CFAP44: variants seen among roughly 807,000 people sequenced by gnomAD.
CFAP44 encodes cilia- and flagella-associated protein 44.
Under a neutral mutation model 216.2 loss-of-function variants are expected in CFAP44, and 134 were observed. The observed-to-expected ratio is 0.62, with a 90% CI of 0.54 to 0.72. The LOEUF (loss-of-function observed/expected upper bound fraction) is 0.72. Among genes scored for constraint, CFAP44 ranks in the 30% least tolerant of loss-of-function variants. The probability of loss-of-function intolerance (pLI) is 0.00; values close to 1 mark genes in which losing one functional copy is unlikely to be tolerated. For synonymous variants in CFAP44, 700 were observed against 727.6 expected (o/e 0.96, Z 0.61); for missense variants, 2,035 against 2,182.1 (o/e 0.93, Z 1.34).
At position 113,401,581 on chromosome 3, in the gene CFAP44, C is replaced by T. The variant is rs747672710; in HGVS notation, c.1326+3G>A. On this transcript the variant is annotated splice_donor_region_variant and intron_variant, in intron 10 of 34. Transcript: ENST00000393845. ...AGAGCCAAGAGACAAGAATGCAACACACCTGAGCCAACCAAAAGTTATTTC... is the reference window on the plus strand; with the variant it reads ...AGAGCCAAGAGACAAGAATGCAACATACCTGAGCCAACCAAAAGTTATTTC... The T allele has an allele frequency of 1.6e-5, 25 of 1,612,826 alleles. No homozygotes were observed. Among genetic ancestry groups the T allele is most frequent in the Admixed American group, 8.4e-5 (5 of 59,864 alleles).
intron 22 of CFAP44, among the ~76,000 whole-genome samples, chr3:113,346,886 A>G (rs2107824364): frequency 6.6e-6 from 1 of 152,250 alleles, no homozygotes; most frequent in East Asian, 1.9e-4. Context: ...TTCACAATAA[A>G]TCTTGCTGCT....
rs919447905 is a variant in CFAP44 at position 113,325,226 on chromosome 3, C to T, written c.4516+1219G>A. ...CTGAGTCAGGAGAGTGGTGTGAACC[C>T]GAGGGCGGAGCTTGCAGTGAGCCGA... On this transcript the variant is annotated intron_variant, in intron 28 of 34. Transcript: ENST00000393845. 4.0e-5 allele frequency among the ~76,000 whole-genome samples: 6 copies of T among 148,182 alleles called. 1 individual carries two copies. The highest frequency in any genetic ancestry group is 1.4e-4 in the Admixed American group (2 of 14,788).
intron 29 of CFAP44, among the ~76,000 whole-genome samples, chr3:113,306,697 C>A (rs759284319): frequency 1.3e-5 from 2 of 152,134 alleles, no homozygotes; most frequent in Non-Finnish European, 2.9e-5. Flanking sequence ...GAATGGGATT[C>A]AAGTGCATTA....
chr3:113,402,175 C>T (rs1934160857), intron 9 of CFAP44, among the ~76,000 whole-genome samples: 1 of 152,216 alleles, frequency 6.6e-6, no homozygotes, highest in Non-Finnish European at 1.5e-5. Flanking sequence ...GACTCAAGCA[C>T]TATCTCATTA....
Position 113,303,909 on chromosome 3 carries a change from T to C in CFAP44, c.5077+7A>G. 1 of 1,537,622 alleles carries C rather than the reference T, an allele frequency of 6.5e-7. No homozygotes were observed. The highest frequency in any genetic ancestry group is 8.7e-7 in the Non-Finnish European group (1 of 1,146,942). ...TTACTAGCAAGGCTGTGGGCTTAGA[T>C]ACTCACTGTGTATGGTTTTTGTCAT... is the stretch of plus-strand genomic sequence containing the variant. On this transcript the variant is annotated splice_region_variant and intron_variant, in intron 32 of 34. Transcript: ENST00000393845.
chr3:113,374,162 T>C (rs1933261850), intron 17 of CFAP44, among the ~76,000 whole-genome samples: 3 of 151,678 alleles, frequency 2.0e-5, no homozygotes, highest in Admixed American at 6.6e-5. Flanking sequence ...GAAAATCAAA[T>C]TACTAAGTTT....
At chr3:113,377,045 A>C (rs1455083429) in intron 17 of CFAP44, among the ~76,000 whole-genome samples, 1 of 152,226 alleles carries the variant, frequency 6.6e-6, no homozygotes, top group African/African-American at 2.4e-5. Context: ...ATAGATCCCT[A>C]TAGGGTGTTA....
At position 113,426,173 on chromosome 3, in the gene CFAP44, G is replaced by C; in HGVS notation, c.358C>G (p.Pro120Ala). 3 of 1,614,100 alleles carry C rather than the reference G, an allele frequency of 1.9e-6. No individual in the cohort carries two copies. The highest frequency in any genetic ancestry group is 1.6e-4 in the Middle Eastern group (1 of 6,062). ...ATGTTTGAATCCAGAGTCACAAAAG[G>C]CATCGAAGCAAGCTCCATATAATCA... ...FYDYMELASM[P>A]FVTLDSNIPL... The change falls in exon 4 of 35, where the codon CCT becomes GCT. Residue 120 changes from proline to alanine, a missense_variant. Pro to Ala is a conservative substitution (Grantham distance 27). Transcript: ENST00000393845.
In CFAP44 at chr3:113,409,006, C is replaced by CAAA. The variant is rs56301009; in HGVS notation, c.890+97_890+99dup. ...ATAATTCTAATGTTAACCAAAACAG[C>CAAA]AAAAAAAAAAAAAAAAAAAAAAAGT... is the stretch of plus-strand genomic sequence containing the variant. On this transcript the variant is annotated intron_variant, in intron 7 of 34. Coordinates refer to ENST00000393845, the MANE Select transcript of CFAP44 (RefSeq NM_001164496.2). The CAAA allele has an allele frequency of 2.4e-3, 763 of 319,082 alleles. 4 individuals are homozygous for CAAA. The highest frequency in any genetic ancestry group is 4.6e-3 in the South Asian group (84 of 18,304). The allele number at this position is 319,082 out of a possible 1,614,324, so 19.8% of individuals were successfully genotyped here. A position where few individuals can be genotyped will look rare whatever the true frequency, so the allele number is the denominator to read the frequency against.
chr3:113,319,905 A>G (rs1036764081), intron 28 of CFAP44, among the ~76,000 whole-genome samples: 1 of 152,182 alleles, frequency 6.6e-6, no homozygotes, highest in Non-Finnish European at 1.5e-5. Context: ...CATCCCACAG[A>G]AACACAAAAG....
Position 113,302,781 on chromosome 3 carries a change from A to G in CFAP44, c.5077+1135T>C, listed in dbSNP as rs1949950440. Reference sequence around the variant, plus strand: ...GAGTGAGACTCCATCTCAAAAAAAAAAAAAAAAAAAGAAAAAGAAAAGAAA... The same window carrying G: ...GAGTGAGACTCCATCTCAAAAAAAAGAAAAAAAAAAGAAAAAGAAAAGAAA... On this transcript the variant is annotated intron_variant, in intron 32 of 34. Coordinates refer to ENST00000393845, the MANE Select transcript of CFAP44 (RefSeq NM_001164496.2). Among the ~76,000 whole-genome samples, 6 of 150,974 alleles carry G rather than the reference A, an allele frequency of 4.0e-5. No homozygotes were observed. In the South Asian group the frequency reaches 1.2e-3, roughly 31 times the overall value.
intron 18 of CFAP44, among the ~76,000 whole-genome samples, chr3:113,367,882 G>C (rs180963955): frequency 3.7e-4 from 56 of 152,286 alleles, no homozygotes; most frequent in East Asian, 1.9e-4. Flanking sequence ...GAACAGTGTA[G>C]AGAAGATCTT....
intron 34 of CFAP44, chr3:113,294,141 G>A (rs2107785416): frequency 2.3e-6 from 1 of 443,854 alleles, no homozygotes; most frequent in East Asian, 7.0e-5. Context: ...TGCTATACAT[G>A]TGTTAGGTTT....
chr3:113,390,886 A>G (rs912540392), intron 15 of CFAP44, among the ~76,000 whole-genome samples: 7 of 152,186 alleles, frequency 4.6e-5, no homozygotes, highest in Admixed American at 2.0e-4. Flanking sequence ...CATATATTGG[A>G]AGAATCAATA....
intron 9 of CFAP44, 45 bp from the exon 10 acceptor site, chr3:113,401,784 GA>G (rs1245835091): frequency 6.6e-7 from 1 of 1,517,952 alleles, no homozygotes; most frequent in Non-Finnish European, 8.8e-7. Flanking sequence ...AGTAGTTTCT[GA>G]ACATTTATTT....
In CFAP44 at chr3:113,333,424, T is replaced by C; in HGVS notation, c.3597A>G (p.Leu1199=). Residue 1199 remains leucine, a synonymous_variant, in exon 25 of 35, where the codon CTA becomes CTG. Coordinates refer to ENST00000393845, the MANE Select transcript of CFAP44 (RefSeq NM_001164496.2). ...TAAGTACCAAAGAATCTAGGTGTCC[T>C]AGTTCCTCTTCCTTCTTGGCAGCAT... ...RINAAKKEEE[L]GHLDSLVHGN... The C allele has an allele frequency of 1.3e-6, 2 of 1,537,060 alleles. No homozygotes were observed. Among genetic ancestry groups the C allele is most frequent in the South Asian group, 2.4e-5 (2 of 84,016 alleles).
At chr3:113,295,868 T>C (rs933854391) in intron 33 of CFAP44, among the ~76,000 whole-genome samples, 2 of 152,352 alleles carry the variant, frequency 1.3e-5, no homozygotes, top group African/African-American at 4.8e-5. Context: ...CCTGAGAGGA[T>C]AGCCACTCCA....
chr3:113,291,453 G>A lies in CFAP44; in HGVS notation c.*104C>T. 7.5e-7 allele frequency: 1 copy of A among 1,326,930 alleles called. No homozygotes were observed. The highest frequency in any genetic ancestry group is 1.0e-6 in the Non-Finnish European group (1 of 986,550). The allele number at this position is 1,326,930 out of a possible 1,614,324, so 82.2% of individuals were successfully genotyped here. A position where few individuals can be genotyped will look rare whatever the true frequency, so the allele number is the denominator to read the frequency against. ...GACTGGATCTGGTTTTACACTTTCA[G>A]GCGAGTTCAGTTTAAAGTAATAAGA... On this transcript the variant is annotated 3_prime_UTR_variant, in exon 35 of 35. Transcript: ENST00000393845.
At chr3:113,351,793 C>T (rs1950447708) in intron 22 of CFAP44, among the ~76,000 whole-genome samples, 1 of 152,206 alleles carries the variant, frequency 6.6e-6, no homozygotes, top group Non-Finnish European at 1.5e-5. Context: ...CCTTCGGGCC[C>T]TGTGTTTTTA....
Sources: gnomAD v4.1 joint callset for allele counts (sites outside exome capture counted in the v4.1 genomes callset) on GRCh38, gnomAD v4.1.1 for gene constraint, MANE v1.5 for transcripts, NCBI Gene and HGNC (gene_info 2026-07-23, HGNC 2026-07-21) for gene names.